Variants in STARD9 observed in about 807,000 individuals in gnomAD.
The protein encoded by STARD9 is StAR related lipid transfer domain containing 9.
In STARD9, 346 loss-of-function variants were observed where a neutral mutation model predicts 399.8. The ratio of observed to expected loss-of-function variants is 0.87; its 90% CI spans 0.79 to 0.95. STARD9 has a LOEUF of 0.95. STARD9 is among the 40% of genes least tolerant of loss of function. The pLI is 0.00. For missense variants in STARD9, 5,832 were observed against 5,667.5 expected, an observed-to-expected ratio of 1.03 and a Z score of -0.93; for synonymous variants, 2,203 against 2,143.5, an observed-to-expected ratio of 1.03 and a Z score of -0.77.
rs1213573471 is a variant in STARD9, at chr15:42,695,882, T to C, written c.13284+2T>C. ...CAGCTCCAGTTCCCAGAGAATATGG[T>C]GAGTAGGCAGATGTTGGGAATGAGC... On this transcript the variant is annotated splice_donor_variant, in intron 26 of 32. Coordinates refer to ENST00000290607, the MANE Select transcript of STARD9 (RefSeq NM_020759.3). LOFTEE classifies it high-confidence loss of function. 2 of 1,536,662 alleles carry C rather than the reference T, an allele frequency of 1.3e-6. No homozygotes were observed. The highest frequency in any genetic ancestry group is 2.0e-5 in the Admixed American group (1 of 50,938).
chr15:42,576,128 C>G (rs890203186), intron 1 of STARD9, among the ~76,000 whole-genome samples: 4 of 152,066 alleles, frequency 2.6e-5, no homozygotes. Context: ...TTGGGAGTAC[C>G]CATGAGGACT....
rs761658918 is a variant in STARD9 at position 42,651,068 on chromosome 15, G to A, written c.612G>A (p.Glu204=). 2.9e-5 allele frequency: 45 copies of A among 1,534,226 alleles called. No homozygotes were observed. In the African/African-American group the frequency reaches 5.9e-4, roughly 20 times the overall value. ...TNYKQVIQLL[E]EGIANRITAA... is the part of the protein sequence containing the mutation. ...ATAAGCAAGTAATCCAACTCTTGGA[G>A]GAGGGAATTGCAAACAGGTAACAGG... Residue 204 remains glutamate (E), a synonymous_variant, in exon 8 of 33, where the codon GAG becomes GAA. Coordinates refer to ENST00000290607, the MANE Select transcript of STARD9 (RefSeq NM_020759.3).
At position 42,663,490 on chromosome 15, in the gene STARD9, A is replaced by G. The variant is rs1447560447; in HGVS notation, c.1078A>G (p.Thr360Ala). The G allele has an allele frequency of 6.5e-7, 1 of 1,537,322 alleles. No homozygotes were observed. The highest frequency in any genetic ancestry group is 1.2e-5 in the South Asian group (1 of 84,054). ...GGNSKTIMVA[T>A]VSPAHTSYSE... ...CAACTCTAAAACCATCATGGTTGCC[A>G]GTGAGTGGGATGCCAGAGCTGGACC... Residue 360 changes from threonine (T) to alanine (A), a missense_variant and splice_region_variant, in exon 12 of 33, where the codon ACG becomes GCG. This residue lies in a region of STARD9 where 5,828 missense variants were observed against 5,651.1 expected (regional missense o/e 1.03). Coordinates refer to ENST00000290607, the MANE Select transcript of STARD9 (RefSeq NM_020759.3).
chr15:42,719,733 G>A lies in STARD9; in HGVS notation c.*159G>A. On this transcript the variant is annotated 3_prime_UTR_variant, in exon 33 of 33. Transcript: ENST00000290607. ...AGACAGCACTGGCCCAGGGATGCTAGCAAAGCCCAGTCAGTACTTGGTCAC... is the reference window on the plus strand; with the variant it reads ...AGACAGCACTGGCCCAGGGATGCTAACAAAGCCCAGTCAGTACTTGGTCAC... 3.3e-6 allele frequency: 2 copies of A among 598,420 alleles called. No homozygotes were observed. Among genetic ancestry groups the A allele is most frequent in the African/African-American group, 1.9e-5 (1 of 53,788 alleles). The allele number at this position is 598,420 out of a possible 1,614,324, so 37.1% of individuals were successfully genotyped here.
In STARD9 at chr15:42,685,249, C is replaced by A. The variant is rs1418510385; in HGVS notation, c.3671C>A (p.Pro1224His). ...GAAGATCAGCAAGAAGAACCTTTCCCTGGTTCAGCTGACGAGATACCCACA... is the reference window on the plus strand; with the variant it reads ...GAAGATCAGCAAGAAGAACCTTTCCATGGTTCAGCTGACGAGATACCCACA... ...LGEDQQEEPF[P>H]GSADEIPTET... The change falls in exon 23 of 33, where the codon CCT becomes CAT. Residue 1224 changes from proline to histidine, a missense_variant. This residue lies in a region of STARD9 where 5,828 missense variants were observed against 5,651.1 expected (regional missense o/e 1.03). Transcript: ENST00000290607. The A allele has an allele frequency of 2.0e-6, 3 of 1,537,468 alleles. No homozygotes were observed. Among genetic ancestry groups the A allele is most frequent in the Non-Finnish European group, 1.7e-6 (2 of 1,146,980 alleles).
At chr15:42,640,800 C>A (rs1182198656) in intron 7 of STARD9, among the ~76,000 whole-genome samples, 2 of 111,064 alleles carry the variant, frequency 1.8e-5, no homozygotes, top group Non-Finnish European at 3.3e-5. Flanking sequence ...AGCCTGGCAA[C>A]AGAGCAAGAC....
chr15:42,619,569 T>A (rs1168130485), intron 3 of STARD9, among the ~76,000 whole-genome samples: 2 of 150,012 alleles, frequency 1.3e-5, no homozygotes, highest in Non-Finnish European at 3.0e-5. Flanking sequence ...AAAAAAAAAT[T>A]CTCGTAAGGA....
At position 42,684,729 on chromosome 15, in the gene STARD9, A is replaced by G. The variant is rs1307371263; in HGVS notation, c.3151A>G (p.Arg1051Gly). The G allele has an allele frequency of 2.0e-6, 3 of 1,537,094 alleles. No individual in the cohort carries two copies. Among genetic ancestry groups the G allele is most frequent in the Non-Finnish European group, 2.6e-6 (3 of 1,146,914 alleles). The change falls in exon 23 of 33, where the codon AGG (arginine) becomes GGG (glycine). Residue 1051 changes from arginine (R) to glycine (G), a missense_variant. Physicochemically the swap from Arg to Gly is moderately radical, Grantham distance 125. Transcript: ENST00000290607. The part of the protein sequence containing the change: ...SKRHQRVLAT[R>G]VRNITKKSSH... Reference sequence around the variant, plus strand: ...AAGGCATCAGAGGGTTCTGGCAACTAGGGTCAGAAATATTACCAAAAAGTC... The same window carrying G: ...AAGGCATCAGAGGGTTCTGGCAACTGGGGTCAGAAATATTACCAAAAAGTC...
chr15:42,654,861 G>C (rs527884069), intron 9 of STARD9, among the ~76,000 whole-genome samples: 1 of 152,298 alleles, frequency 6.6e-6, no homozygotes, highest in South Asian at 2.1e-4. Context: ...GCCTAAAGCA[G>C]TCTACAAATT....
chr15:42,700,589 T>A (rs764056249), intron 26 of STARD9, among the ~76,000 whole-genome samples: 5 of 152,208 alleles, frequency 3.3e-5, no homozygotes, highest in African/African-American at 9.7e-5. Flanking sequence ...TTTTGAGAAA[T>A]GTGAAATCAG....
chr15:42,596,790 T>C (rs1433759299), intron 3 of STARD9, among the ~76,000 whole-genome samples: 1 of 152,326 alleles, frequency 6.6e-6, no homozygotes, highest in Admixed American at 6.5e-5. Flanking sequence ...TGTCAGCTAA[T>C]TGATTAGCTT....
At chr15:42,596,452 T>C (rs1265754314) in intron 3 of STARD9, among the ~76,000 whole-genome samples, 1 of 152,124 alleles carries the variant, frequency 6.6e-6, no homozygotes, top group African/African-American at 2.4e-5. Flanking sequence ...GACAAAATGA[T>C]TTGCAAAATC....
In STARD9 at chr15:42,686,002, A is replaced by G. The variant is rs1451990641; in HGVS notation, c.4424A>G (p.His1475Arg). The change falls in exon 23 of 33, where the codon CAT (histidine) becomes CGT (arginine). Residue 1475 changes from histidine (H) to arginine (R), a missense_variant. Transcript: ENST00000290607. The part of the protein sequence containing the change: ...VLAASATTLT[H>R]VGSTHERDWS... ...GCTGCCTCTGCCACCACCTTGACTC[A>G]TGTAGGCAGCACCCATGAAAGGGAT... is the stretch of plus-strand genomic sequence containing the variant. The G allele has an allele frequency of 4.2e-5, 65 of 1,537,158 alleles. No homozygotes were observed. The highest frequency in any genetic ancestry group is 5.6e-5 in the Non-Finnish European group (64 of 1,146,906).
At position 42,691,379 on chromosome 15, in the gene STARD9, C is replaced by A. The variant is rs1164186807; in HGVS notation, c.9801C>A (p.Phe3267Leu). The A allele has an allele frequency of 6.5e-7, 1 of 1,537,234 alleles. No homozygotes were observed. Among genetic ancestry groups the A allele is most frequent in the Non-Finnish European group, 8.7e-7 (1 of 1,146,896 alleles). Residue 3267 changes from phenylalanine to leucine, a missense_variant, in exon 23 of 33, where the codon TTC becomes TTA. Around this residue, in one of 2 missense-constraint regions of STARD9, gnomAD observed 5,828 missense variants for 5,651.1 expected, o/e 1.03. Transcript: ENST00000290607. Reference protein sequence around the residue: ...PPVSKILSQGFKDPATVSLRQ... With the variant: ...PPVSKILSQGLKDPATVSLRQ... ...TGTCCAAGATTTTATCACAGGGCTT[C>A]AAAGACCCAGCCACTGTGTCCTTGA...
Position 42,714,357 on chromosome 15 carries a change from C to T in STARD9, c.13285-2320C>T, listed in dbSNP as rs145964856. On this transcript the variant is annotated intron_variant, in intron 26 of 32. Coordinates refer to ENST00000290607, the MANE Select transcript of STARD9 (RefSeq NM_020759.3). ...CTGGGATTACAGGCGTGAGCCATCC[C>T]GCCCGGCCTGTACTAAGATGTTTTA... Among the ~76,000 whole-genome samples the T allele has an allele frequency of 2.6e-4, 40 of 152,214 alleles. No homozygotes were observed. The East Asian group carries it at 7.5e-3, about 29-fold the overall frequency.
chr15:42,626,369 T>TTCCTCTTCCTCTTCG (rs1566884870), intron 3 of STARD9, among the ~76,000 whole-genome samples: 10 of 110,080 alleles, frequency 9.1e-5, no homozygotes, highest in South Asian at 3.4e-4. Context: ...CTTCCTCTTC[T>TTCCTCTTCCTCTTCG]TCCTCCTCTT....
rs181550411 is a variant in STARD9, at chr15:42,641,091, C to T, written c.559+2279C>T. Among the ~76,000 whole-genome samples, 88 of 152,208 alleles carry T rather than the reference C, an allele frequency of 5.8e-4. 1 individual carries two copies. The East Asian group carries it at 0.017, about 29-fold the overall frequency. ...CTAGATGATTTGATTGGTATAGTACCTGCAACTCAGAAAATATGACTCTTG... is the reference window on the plus strand; with the variant it reads ...CTAGATGATTTGATTGGTATAGTACTTGCAACTCAGAAAATATGACTCTTG... On this transcript the variant is annotated intron_variant, in intron 7 of 32. Transcript: ENST00000290607.
chr15:42,712,931 G>T (rs2061276291), intron 26 of STARD9, among the ~76,000 whole-genome samples: 1 of 152,156 alleles, frequency 6.6e-6, no homozygotes, highest in Admixed American at 6.5e-5. Flanking sequence ...TGACTATTCT[G>T]GGTTTCTCAG....
chr15:42,602,737 T>C (rs576049319), intron 3 of STARD9, among the ~76,000 whole-genome samples: 87 of 152,316 alleles, frequency 5.7e-4, no homozygotes, highest in Admixed American at 1.6e-3. Flanking sequence ...CATACCTCTA[T>C]GGTAAACGAA....
Sources: gnomAD v4.1 joint callset for allele counts (sites outside exome capture counted in the v4.1 genomes callset) on GRCh38, gnomAD v4.1.1 for gene constraint, gnomAD v4.1.1 regional missense constraint, MANE v1.5 for transcripts, NCBI Gene and HGNC (gene_info 2026-07-23, HGNC 2026-07-21) for gene names.